The following FRMPD4 variants were observed in gnomAD, a reference collection of about 807,000 sequenced individuals.
FRMPD4 encodes FERM and PDZ domain-containing protein 4.
FRMPD4 carries 22 observed loss-of-function variants against 94.1 expected under a neutral mutation model. That is an observed-to-expected ratio of 0.23 (90% CI 0.17 to 0.33). The LOEUF (loss-of-function observed/expected upper bound fraction) is 0.33, where lower values mean the gene tolerates loss of function less well. Among genes scored for constraint, FRMPD4 ranks in the 10% least tolerant of loss-of-function variants. FRMPD4 has a pLI of 1.00. For missense variants in FRMPD4, 1,111 were observed against 1,339.9 expected (o/e 0.83, Z 2.67); for synonymous variants, 631 against 548.6 (o/e 1.15, Z -2.10).
intron 15 of FRMPD4, 98 bp from the exon 16 acceptor site, chrX:12,717,403 G>T: frequency 1.7e-6 from 1 of 602,804 alleles, no homozygotes; most frequent in Non-Finnish European, 2.6e-6. Context: ...GGAAAAACTT[G>T]GTATTTTGTT....
chrX:12,679,560 C>G (rs1330903251), intron 5 of FRMPD4, among the ~76,000 whole-genome samples: 1 of 111,808 alleles, frequency 8.9e-6, no homozygotes, highest in Non-Finnish European at 1.9e-5. Flanking sequence ...GTGGCAGGAG[C>G]TAACTTTATC....
At chrX:12,219,186 C>T (rs768178890) in intron 1 of FRMPD4, among the ~76,000 whole-genome samples, 6 of 111,536 alleles carry the variant, frequency 5.4e-5, no homozygotes, top group East Asian at 5.7e-4. Context: ...CTGAGCAACA[C>T]GACGAAATCT....
chrX:11,929,207 C>G (rs1327202884), intron 3 of FRMPD4, among the ~76,000 whole-genome samples: 1 of 112,018 alleles, frequency 8.9e-6, no homozygotes, highest in Non-Finnish European at 1.9e-5. Context: ...CCCCATGACA[C>G]GAGTTTACCT....
chrX:12,280,611 A>G (rs1455082350), intron 1 of FRMPD4, among the ~76,000 whole-genome samples: 2 of 111,834 alleles, frequency 1.8e-5, no homozygotes, highest in African/African-American at 3.3e-5. Context: ...CCCACAGCCC[A>G]TGAAGTCCCC....
chrX:12,268,401 T>G (rs1243884734), intron 1 of FRMPD4, among the ~76,000 whole-genome samples: 1 of 112,062 alleles, frequency 8.9e-6, no homozygotes, highest in African/African-American at 3.2e-5. Context: ...GATAGGAGCC[T>G]TGTACTTTAC....
chrX:11,824,100 G>A (rs1410006642), intron 1 of FRMPD4, among the ~76,000 whole-genome samples: 3 of 111,401 alleles, frequency 2.7e-5, no homozygotes, highest in Admixed American at 1.9e-4. Flanking sequence ...CTATTCTTTC[G>A]TCTTAATCAT....
At chrX:12,424,666 C>A (rs1347561471) in intron 1 of FRMPD4, among the ~76,000 whole-genome samples, 1 of 112,561 alleles carries the variant, frequency 8.9e-6, no homozygotes, top group African/African-American at 3.2e-5. Flanking sequence ...GAAGTTCAGA[C>A]TTCAACTTAG....
intron 1 of FRMPD4, among the ~76,000 whole-genome samples, chrX:11,847,545 G>T (rs1251594828): frequency 6.5e-5 from 7 of 108,190 alleles, no homozygotes; most frequent in Non-Finnish European, 1.3e-4. Context: ...TATACCCAAA[G>T]GACTATAAAT....
intron 2 of FRMPD4, among the ~76,000 whole-genome samples, chrX:12,549,856 TAAAGA>T (rs1045884896): frequency 3.6e-5 from 4 of 112,400 alleles, no homozygotes; most frequent in African/African-American, 1.3e-4. Flanking sequence ...TGTGTGTAAG[TAAAGA>T]AAGCTTTTTC....
chrX:12,169,869 G>A (rs1372934120), intron 1 of FRMPD4, among the ~76,000 whole-genome samples: 4 of 111,913 alleles, frequency 3.6e-5, no homozygotes, highest in Non-Finnish European at 7.5e-5. Context: ...ACTTTTCAGT[G>A]GATGCAAACA....
At chrX:12,355,763 T>C (rs539685651) in intron 1 of FRMPD4, among the ~76,000 whole-genome samples, 1 of 111,845 alleles carries the variant, frequency 8.9e-6, no homozygotes, top group South Asian at 3.8e-4. Context: ...ACTTCTTTGC[T>C]CCTAATGTAT....
chrX:12,461,002 A>T (rs771802697), intron 1 of FRMPD4, among the ~76,000 whole-genome samples: 1 of 111,781 alleles, frequency 8.9e-6, no homozygotes, highest in East Asian at 2.8e-4. Flanking sequence ...GTATGAAAAT[A>T]CTCTCTCTTA....
intron 3 of FRMPD4, among the ~76,000 whole-genome samples, chrX:11,964,545 T>C (rs944036551): frequency 8.9e-6 from 1 of 111,750 alleles, no homozygotes; most frequent in Non-Finnish European, 1.9e-5. Flanking sequence ...TAGTAGGACT[T>C]CCCACAGTGT....
At chrX:12,059,230 C>T (rs747426076) in intron 3 of FRMPD4, among the ~76,000 whole-genome samples, 32 of 111,466 alleles carry the variant, frequency 2.9e-4, no homozygotes, top group African/African-American at 9.1e-4. Flanking sequence ...AACTTGTGTA[C>T]GCTTGATCTA....
At chrX:12,098,704 G>A (rs902963864) in intron 3 of FRMPD4, among the ~76,000 whole-genome samples, 21 of 111,116 alleles carry the variant, frequency 1.9e-4, no homozygotes, top group African/African-American at 6.9e-4. Flanking sequence ...GGATGCTACT[G>A]GCATCTGGGA....
intron 1 of FRMPD4, among the ~76,000 whole-genome samples, chrX:12,222,182 A>C (rs1242244228): frequency 7.2e-5 from 8 of 111,669 alleles, no homozygotes; most frequent in Admixed American, 2.8e-4. Context: ...AAAATAAAAA[A>C]GGAAAGAAAA....
In FRMPD4 at chrX:12,287,509, T is replaced by C. The variant is rs1569218978; in HGVS notation, c.41+148497T>C. On this transcript the variant is annotated intron_variant, in intron 1 of 16. Coordinates refer to ENST00000675598, the MANE Select transcript of FRMPD4 (RefSeq NM_001368397.1). ...TATGCGTATAAAGGAGTTTGGCTAT[T>C]ACCTGGATAGCAGTGGGGAACTAGT... Among the ~76,000 whole-genome samples, 4 of 111,896 alleles carry C rather than the reference T, an allele frequency of 3.6e-5. No homozygotes were observed. In the East Asian group the frequency reaches 1.1e-3, roughly 32 times the overall value.
intron 4 of FRMPD4, among the ~76,000 whole-genome samples, chrX:12,671,286 G>A (rs996612788): frequency 4.5e-5 from 5 of 111,615 alleles, no homozygotes; most frequent in African/African-American, 6.5e-5. Context: ...ACATGCACAC[G>A]TATGTTTATT....
intron 1 of FRMPD4, among the ~76,000 whole-genome samples, chrX:12,188,687 C>T (rs890010397): frequency 4.5e-5 from 5 of 111,919 alleles, no homozygotes; most frequent in African/African-American, 6.5e-5. Context: ...CAAATAAAAA[C>T]ACTGCCATCC....
Sources: gnomAD v4.1 joint callset for allele counts (sites outside exome capture counted in the v4.1 genomes callset) on GRCh38, gnomAD v4.1.1 for gene constraint, MANE v1.5 for transcripts, NCBI Gene and HGNC (gene_info 2026-07-23, HGNC 2026-07-21) for gene names.